Variants in TCF20 observed in about 807,000 individuals in gnomAD.
The protein encoded by TCF20 is transcription factor 20.
TCF20 carries 3 observed loss-of-function variants against 148.6 expected under a neutral mutation model. The observed-to-expected ratio is 0.02, with a 90% confidence interval of 0.01 to 0.05. The LOEUF is 0.05. TCF20 is among the 10% of genes least tolerant of loss of function. TCF20 has a pLI of 1.00. For synonymous variants in TCF20, 1,049 were observed against 909.5 expected (o/e 1.15, Z -2.76); for missense variants, 2,350 against 2,429.3 (o/e 0.97, Z 0.69).
At chr22:42,273,366 A>AAAAG (rs1926694385), upstream of TCF20, among the ~76,000 whole-genome samples, 1 of 139,140 alleles carries the variant, frequency 7.2e-6, no homozygotes, top group African/African-American at 3.2e-5. Context: ...GTCTCAAAAA[A>AAAAG]AAAAAAAAAA....
intron 1 of TCF20, chr22:42,269,869 C>A (rs1390472179): frequency 6.6e-6 from 1 of 152,382 alleles, no homozygotes. Context: ...ACATCCCGGC[C>A]CAGCCCCGCT....
At chr22:42,180,742 C>T (rs902713308) in intron 2 of TCF20, among the ~76,000 whole-genome samples, 2 of 152,210 alleles carry the variant, frequency 1.3e-5, no homozygotes, top group Non-Finnish European at 2.9e-5. Flanking sequence ...TGATCTCATC[C>T]AGCCCTCTGC....
intron 1 of TCF20, among the ~76,000 whole-genome samples, chr22:42,241,405 AG>A: frequency 6.6e-6 from 1 of 152,376 alleles, no homozygotes; most frequent in South Asian, 2.1e-4. Context: ...AGGAAATAAA[AG>A]CGAAGTTTGA....
chr22:42,275,958 G>A (rs112587169), intron 1 of TCF20, among the ~76,000 whole-genome samples: 12 of 152,228 alleles, frequency 7.9e-5, no homozygotes, highest in Non-Finnish European at 1.5e-4. Flanking sequence ...CTGAGGCACA[G>A]AGCAGCTCGG....
chr22:42,190,325 T>G (rs1167400119), intron 2 of TCF20, among the ~76,000 whole-genome samples: 1 of 152,174 alleles, frequency 6.6e-6, no homozygotes, highest in Non-Finnish European at 1.5e-5. Flanking sequence ...GCTGGGTGTG[T>G]TGGCACTCCC....
chr22:42,273,360 C>CAAAAAAAAA (rs35166029), upstream of TCF20, among the ~76,000 whole-genome samples: 27 of 61,262 alleles, frequency 4.4e-4, no homozygotes, highest in African/African-American at 1.3e-3. Context: ...AACTCCGTCT[C>CAAAAAAAAA]AAAAAAAAAA....
intron 1 of TCF20, among the ~76,000 whole-genome samples, chr22:42,220,445 G>A (rs1922252928): frequency 6.6e-6 from 1 of 152,196 alleles, no homozygotes. Flanking sequence ...CCATCCTGCT[G>A]TTTCAACCTC....
chr22:42,227,334 C>CA (rs1923004893), intron 1 of TCF20, among the ~76,000 whole-genome samples: 1 of 152,166 alleles, frequency 6.6e-6, no homozygotes, highest in African/African-American at 2.4e-5. Flanking sequence ...AAAAATAGTT[C>CA]AAAGGGCTCA....
intron 1 of TCF20, chr22:42,276,546 G>C (rs149786061): frequency 3.3e-5 from 5 of 152,328 alleles, no homozygotes; most frequent in Non-Finnish European, 5.9e-5. Context: ...GCCACAGGTT[G>C]GTCCTTCAGC....
rs182770812 is a variant in TCF20 at position 42,260,684 on chromosome 22, G to A, written c.-37+9655C>T. ...AAAATTTTAGAGACAGGGTCTCACT[G>A]TGTTGCCCAGGCCTTTCTTAAACTC... On this transcript the variant is annotated intron_variant, in intron 1 of 5. Coordinates refer to ENST00000677622, the MANE Select transcript of TCF20 (RefSeq NM_001378418.1). Among the ~76,000 whole-genome samples, 225 of 152,194 alleles carry A rather than the reference G, an allele frequency of 1.5e-3. 1 individual carries two copies. The highest frequency in any genetic ancestry group is 0.014 in the Middle Eastern group (4 of 294).
chr22:42,266,159 T>G (rs950857892), intron 1 of TCF20, among the ~76,000 whole-genome samples: 5 of 151,840 alleles, frequency 3.3e-5, no homozygotes, highest in African/African-American at 1.2e-4. Flanking sequence ...GATTTGTGCC[T>G]TGAGCAGGCA....
chr22:42,278,477 T>G (rs1926829865), intron 1 of TCF20: 1 of 152,266 alleles, frequency 6.6e-6, no homozygotes, highest in Non-Finnish European at 1.5e-5. Context: ...TTCCTCAGGA[T>G]GTCTGTCACG....
intron 1 of TCF20, among the ~76,000 whole-genome samples, chr22:42,334,662 G>A (rs763071493): frequency 1.3e-5 from 2 of 152,344 alleles, no homozygotes; most frequent in East Asian, 1.9e-4. Context: ...TGAGCCAGGC[G>A]CTGCACTGAG....
intron 5 of TCF20, 132 bp from the exon 6 acceptor site, chr22:42,161,490 C>T: frequency 8.5e-7 from 1 of 1,183,374 alleles, no homozygotes; most frequent in Admixed American, 2.0e-5. Context: ...AGATGTGCTG[C>T]TGATATGGGA....
At chr22:42,167,724 T>G (rs767884912) in intron 5 of TCF20, among the ~76,000 whole-genome samples, 1 of 151,630 alleles carries the variant, frequency 6.6e-6, no homozygotes, top group African/African-American at 2.4e-5. Flanking sequence ...ATCACAAGAA[T>G]TTTTTTTCTT....
At chr22:42,193,096 C>T (rs1213490902) in intron 2 of TCF20, among the ~76,000 whole-genome samples, 1 of 151,918 alleles carries the variant, frequency 6.6e-6, no homozygotes, top group Non-Finnish European at 1.5e-5. Flanking sequence ...ATTTCTGTTT[C>T]AGAAGATTCC....
Position 42,212,314 on chromosome 22 carries a change from G to A in TCF20, c.2992C>T (p.Arg998Trp), listed in dbSNP as rs1461792777. ...GGGGACCGACCCCTCATGCCCTCCC[G>A]ACCACCAACTCTGCCAGGGACCCGC... Reference protein sequence around the residue: ...MRRVPGRVGGREGMRGRSPSQ... With the variant: ...MRRVPGRVGGWEGMRGRSPSQ... Residue 998 changes from arginine (R) to tryptophan (W), a missense_variant, in exon 2 of 6, where the codon CGG becomes TGG. Around this residue, in one of 7 missense-constraint regions of TCF20, gnomAD observed 1,641 missense variants for 1,662.6 expected, o/e 0.99. Transcript: ENST00000677622. 2.5e-6 allele frequency: 4 copies of A among 1,613,960 alleles called. No individual in the cohort carries two copies. Among genetic ancestry groups the A allele is most frequent in the Non-Finnish European group, 2.5e-6 (3 of 1,180,012 alleles).
At position 42,168,493 on chromosome 22, in the gene TCF20, T is replaced by A; in HGVS notation, c.*44+116A>T. The A allele has an allele frequency of 3.6e-6, 5 of 1,404,232 alleles. No individual in the cohort carries two copies. In the South Asian group the frequency reaches 6.8e-5, roughly 19 times the overall value. 87.0% of individuals were successfully genotyped at this position (1,404,232 alleles called of 1,614,324 possible). Reference sequence around the variant, plus strand: ...GGAAGAACACTGCATCCACCTGGCGTTGTCATCCACAGGATGAAATGCTGG... The same window carrying A: ...GGAAGAACACTGCATCCACCTGGCGATGTCATCCACAGGATGAAATGCTGG... On this transcript the variant is annotated intron_variant, in intron 5 of 5. Coordinates refer to ENST00000677622, the MANE Select transcript of TCF20 (RefSeq NM_001378418.1).
At chr22:42,250,491 CT>C (rs978094992) in intron 1 of TCF20, among the ~76,000 whole-genome samples, 1 of 148,740 alleles carries the variant, frequency 6.7e-6, no homozygotes, top group East Asian at 2.0e-4. Flanking sequence ...ATGAGATGTC[CT>C]TTTTTTATAC....
Sources: allele counts gnomAD v4.1 joint callset (sites outside exome capture counted in the v4.1 genomes callset), GRCh38; gene constraint gnomAD v4.1.1; regional missense constraint gnomAD v4.1.1; transcripts MANE v1.5; gene names NCBI Gene and HGNC (gene_info 2026-07-23, HGNC 2026-07-21).